Variants in HS6ST3 observed in about 807,000 individuals in gnomAD.
HS6ST3 encodes heparan-sulfate 6-O-sulfotransferase 3.
HS6ST3 carries 12 observed loss-of-function variants against 36.7 expected under a neutral mutation model. The ratio of observed to expected loss-of-function variants is 0.33; its 90% CI spans 0.21 to 0.53. The LOEUF (loss-of-function observed/expected upper bound fraction) is 0.53. Among genes scored for constraint, HS6ST3 ranks in the 20% least tolerant of loss-of-function variants. The pLI, the probability that HS6ST3 is intolerant of heterozygous loss-of-function variation, is 0.95. For synonymous variants in HS6ST3, 240 were observed against 257.5 expected (o/e 0.93, Z 0.65); for missense variants, 584 against 640.9 (o/e 0.91, Z 0.96).
In HS6ST3 at chr13:96,159,744, A is replaced by T. The variant is rs527857805; in HGVS notation, c.707+68175A>T. Among the ~76,000 whole-genome samples, 55 of 152,348 alleles carry T rather than the reference A, an allele frequency of 3.6e-4. No individual in the cohort carries two copies. The East Asian group carries it at 9.4e-3, about 26-fold the overall frequency. On this transcript the variant is annotated intron_variant, in intron 1 of 1. Transcript: ENST00000376705. ...TTGTATGAGGTCAAACCATTTGACT[A>T]ATTTTGAGCTACAAAAAGAGCAGTT...
rs930991358 is a variant in HS6ST3, at chr13:96,090,606, G to A, written c.-257G>A. ...GAGCGGGCCGGCCCGGGCGCACCCG[G>A]GAGCGCAGGGCGCCCCACGCCGCAG... On this transcript the variant is annotated 5_prime_UTR_variant, in exon 1 of 2. Coordinates refer to ENST00000376705, the MANE Select transcript of HS6ST3 (RefSeq NM_153456.4). 1.4e-5 allele frequency among the ~76,000 whole-genome samples: 2 copies of A among 145,782 alleles called. No homozygotes were observed. The highest frequency in any genetic ancestry group is 6.8e-5 in the Admixed American group (1 of 14,728).
At chr13:96,494,435 T>C (rs2138908000) in intron 1 of HS6ST3, among the ~76,000 whole-genome samples, 1 of 150,792 alleles carries the variant, frequency 6.6e-6, no homozygotes, top group Admixed American at 6.6e-5. Context: ...GAGATACACC[T>C]AACATTAAAT....
intron 1 of HS6ST3, among the ~76,000 whole-genome samples, chr13:96,604,237 C>T (rs2138984182): frequency 6.6e-6 from 1 of 152,280 alleles, no homozygotes; most frequent in African/African-American, 2.4e-5. Context: ...GGTATTCCAT[C>T]TGCTCATTAA....
At chr13:96,163,884 G>C (rs2054148885) in intron 1 of HS6ST3, among the ~76,000 whole-genome samples, 2 of 152,086 alleles carry the variant, frequency 1.3e-5, no homozygotes, top group Admixed American at 1.3e-4. Context: ...TTTAGTAGAA[G>C]ACTTTAGATA....
At chr13:96,590,126 A>G (rs1416043449) in intron 1 of HS6ST3, among the ~76,000 whole-genome samples, 4 of 152,116 alleles carry the variant, frequency 2.6e-5, no homozygotes, top group Non-Finnish European at 4.4e-5. Context: ...GCTAATGTGA[A>G]TAGAATAGTG....
chr13:96,144,239 T>C (rs1284967917), intron 1 of HS6ST3, among the ~76,000 whole-genome samples: 2 of 152,214 alleles, frequency 1.3e-5, no homozygotes, highest in Admixed American at 6.5e-5. Context: ...CCTGAGTGTT[T>C]TATAGTTTAC....
chr13:96,555,031 G>A (rs2056234900), intron 1 of HS6ST3, among the ~76,000 whole-genome samples: 1 of 152,132 alleles, frequency 6.6e-6, no homozygotes, highest in South Asian at 2.1e-4. Flanking sequence ...AGTGAGCTGT[G>A]GTCATGCCGC....
intron 1 of HS6ST3, among the ~76,000 whole-genome samples, chr13:96,468,881 C>T (rs368820377): frequency 2.0e-4 from 31 of 152,124 alleles, no homozygotes; most frequent in East Asian, 1.3e-3. Context: ...AGGGCATTTT[C>T]GATGACTTTT....
chr13:96,448,830 T>C (rs948515741), intron 1 of HS6ST3, among the ~76,000 whole-genome samples: 4 of 152,206 alleles, frequency 2.6e-5, no homozygotes, highest in Non-Finnish European at 5.9e-5. Flanking sequence ...CACGACAGTA[T>C]TTGTTTAGTT....
intron 1 of HS6ST3, among the ~76,000 whole-genome samples, chr13:96,754,437 G>A (rs1876774843): frequency 6.6e-6 from 1 of 152,158 alleles, no homozygotes; most frequent in Admixed American, 6.5e-5. Flanking sequence ...AGGATATTCA[G>A]TGCCCTTGGA....
chr13:96,636,637 T>C (rs944849612), intron 1 of HS6ST3, among the ~76,000 whole-genome samples: 2 of 152,142 alleles, frequency 1.3e-5, no homozygotes, highest in Non-Finnish European at 2.9e-5. Flanking sequence ...GCAGCCCAGC[T>C]CTGAAAGGAA....
At chr13:96,229,495 G>A (rs2054497500) in intron 1 of HS6ST3, among the ~76,000 whole-genome samples, 1 of 152,116 alleles carries the variant, frequency 6.6e-6, no homozygotes, top group Admixed American at 6.6e-5. Context: ...CCTTCTCATG[G>A]TGTCTTCATG....
At chr13:96,380,166 C>G (rs557510126) in intron 1 of HS6ST3, among the ~76,000 whole-genome samples, 1 of 152,148 alleles carries the variant, frequency 6.6e-6, no homozygotes, top group South Asian at 2.1e-4. Flanking sequence ...TGGTGGTGAA[C>G]AGTTTCAGTT....
intron 1 of HS6ST3, among the ~76,000 whole-genome samples, chr13:96,444,800 G>A (rs781309422): frequency 1.1e-4 from 16 of 152,144 alleles, no homozygotes; most frequent in Non-Finnish European, 1.6e-4. Flanking sequence ...CTCTCAGGAT[G>A]GTGATGTGAA....
chr13:96,156,157 G>T (rs2054109592), intron 1 of HS6ST3, among the ~76,000 whole-genome samples: 2 of 152,160 alleles, frequency 1.3e-5, no homozygotes, highest in Non-Finnish European at 1.5e-5. Flanking sequence ...AGTCATAGAA[G>T]CCCGTTGAGG....
intron 1 of HS6ST3, among the ~76,000 whole-genome samples, chr13:96,479,115 A>G (rs78947467): frequency 6.6e-6 from 1 of 152,176 alleles, no homozygotes; most frequent in African/African-American, 2.4e-5. Context: ...ACAGGTGATT[A>G]TATATCCTGA....
Position 96,231,393 on chromosome 13 carries a change from T to C in HS6ST3, c.707+139824T>C, listed in dbSNP as rs1842372584. The stretch of plus-strand genomic sequence containing the variant: ...CAATTTATAAAGAATAGAAGTTTAA[T>C]TGGCTGACGGTTCCATAGGCTGTAC... On this transcript the variant is annotated intron_variant, in intron 1 of 1. Transcript: ENST00000376705. Among the ~76,000 whole-genome samples, 4 of 152,118 alleles carry C rather than the reference T, an allele frequency of 2.6e-5. No individual in the cohort carries two copies. The South Asian group carries it at 6.2e-4, about 24-fold the overall frequency.
At chr13:96,610,025 C>T (rs1456962084) in intron 1 of HS6ST3, among the ~76,000 whole-genome samples, 6 of 152,130 alleles carry the variant, frequency 3.9e-5, no homozygotes. Context: ...CAGTACATGG[C>T]ACACAAGCAC....
chr13:96,350,507 GAT>G (rs758185374), intron 1 of HS6ST3, among the ~76,000 whole-genome samples: 7 of 152,198 alleles, frequency 4.6e-5, no homozygotes, highest in Admixed American at 1.3e-4. Context: ...TTATATGCAA[GAT>G]ATGTTTCCAG....
Sources: allele counts gnomAD v4.1 joint callset (sites outside exome capture counted in the v4.1 genomes callset), GRCh38; gene constraint gnomAD v4.1.1; transcripts MANE v1.5; gene names NCBI Gene and HGNC (gene_info 2026-07-23, HGNC 2026-07-21).